The following HADHB variants were observed in gnomAD, a reference collection of about 807,000 sequenced individuals.
HADHB encodes the protein hydroxyacyl-CoA dehydrogenase trifunctional multienzyme complex subunit beta.
A neutral mutation model predicts 61.9 loss-of-function variants in HADHB; 50 were observed. The observed-to-expected ratio is 0.81, with a 90% CI of 0.64 to 1.02. The LOEUF is 1.02. Among genes scored for constraint, HADHB ranks in the 50% least tolerant of loss-of-function variants. HADHB has a pLI of 0.00. For missense variants in HADHB, 504 were observed against 586.5 expected (o/e 0.86, Z 1.45); for synonymous variants, 191 against 201.6 (o/e 0.95, Z 0.45).
intron 1 of HADHB, among the ~76,000 whole-genome samples, chr2:26,250,464 T>C (rs1391804342): frequency 6.6e-6 from 1 of 152,176 alleles, no homozygotes; most frequent in Non-Finnish European, 1.5e-5. Flanking sequence ...TGATCAGATC[T>C]ATTAGTTATT....
intron 14 of HADHB, 67 bp downstream of exon 14, chr2:26,285,024 T>G: frequency 1.2e-6 from 1 of 837,346 alleles, no homozygotes; most frequent in Non-Finnish European, 2.1e-6. Context: ...CTTAGTTACC[T>G]GTTCTTAAGA....
chr2:26,279,999 G>C lies in HADHB; in HGVS notation c.817G>C (p.Asp273His). 6.2e-7 allele frequency: 1 copy of C among 1,608,028 alleles called. No individual in the cohort carries two copies. Among genetic ancestry groups the C allele is most frequent in the Non-Finnish European group, 8.5e-7 (1 of 1,176,194 alleles). Reference sequence around the variant, plus strand: ...AAAATTCATTTTTTTAATAGGAAAAGATACAGTTACCAAAGATAATGGCAT... The same window carrying C: ...AAAATTCATTTTTTTAATAGGAAAACATACAGTTACCAAAGATAATGGCAT... ...DVVPFKVPGK[D>H]TVTKDNGIRP... The change falls in exon 10 of 16, where the codon GAT becomes CAT. Residue 273 changes from aspartate (D) to histidine (H), a missense_variant. Transcript: ENST00000317799.
chr2:26,263,387 G>A lies in HADHB; in HGVS notation c.117G>A (p.Gln39=). ...TTAAACTTTATCTTAAAGCTGTCCA[G>A]ACCAAAACGAAGAAGACGTTAGCCA... ...SSQLRAAPAV[Q]TKTKKTLAKP... The change falls in exon 4 of 16, where the codon CAG becomes CAA. Residue 39 remains glutamine, a synonymous_variant. Coordinates refer to ENST00000317799, the MANE Select transcript of HADHB (RefSeq NM_000183.3). 2 of 1,601,778 alleles carry A rather than the reference G, an allele frequency of 1.2e-6. No individual in the cohort carries two copies. The highest frequency in any genetic ancestry group is 1.7e-6 in the Non-Finnish European group (2 of 1,169,218).
chr2:26,261,214 C>CT (rs533429006), intron 3 of HADHB: 16 of 459,618 alleles, frequency 3.5e-5, no homozygotes, highest in Non-Finnish European at 5.3e-5. Context: ...CAACAAATAC[C>CT]CCCCCCCCAT....
intron 15 of HADHB, among the ~76,000 whole-genome samples, chr2:26,287,524 T>C (rs1253341325): frequency 6.6e-6 from 1 of 152,218 alleles, no homozygotes; most frequent in African/African-American, 2.4e-5. Context: ...TTATCTAGCA[T>C]GTAGAGTATA....
At chr2:26,284,013 GAA>G (rs1271252652) in intron 12 of HADHB, 102 bp from the exon 13 acceptor site, 1 of 715,598 alleles carries the variant, frequency 1.4e-6, no homozygotes, top group Admixed American at 2.1e-5. Flanking sequence ...AAGAATGAGT[GAA>G]AAGACATTAG....
intron 9 of HADHB, among the ~76,000 whole-genome samples, chr2:26,279,768 A>T (rs906134275): frequency 2.0e-5 from 3 of 152,142 alleles, no homozygotes; most frequent in African/African-American, 7.2e-5. Flanking sequence ...TGTCTTAAGA[A>T]AATAGGGTGT....
At chr2:26,254,632 G>A (rs1574642685) in intron 3 of HADHB, 158 bp downstream of exon 3, 1 of 619,692 alleles carries the variant, frequency 1.6e-6, no homozygotes, top group Admixed American at 2.7e-5. Context: ...AAAATTATAG[G>A]TCCAATCAAT....
intron 3 of HADHB, chr2:26,261,059 C>A: frequency 7.0e-7 from 1 of 1,420,590 alleles, no homozygotes. Flanking sequence ...ATGGATGGAT[C>A]ATTGGTGAGT....
At chr2:26,269,164 A>C (rs1299127916) in intron 4 of HADHB, among the ~76,000 whole-genome samples, 2 of 151,436 alleles carry the variant, frequency 1.3e-5, no homozygotes, top group Admixed American at 6.6e-5. Context: ...AAAAAAAAAA[A>C]ACAGCAGGGG....
At chr2:26,258,371 A>G (rs977693500) in intron 3 of HADHB, among the ~76,000 whole-genome samples, 1 of 152,184 alleles carries the variant, frequency 6.6e-6, no homozygotes, top group African/African-American at 2.4e-5. Context: ...TTATAGCTCT[A>G]TTAGAAGCCA....
chr2:26,257,388 G>A (rs1671670179), intron 3 of HADHB, among the ~76,000 whole-genome samples: 1 of 150,994 alleles, frequency 6.6e-6, no homozygotes, highest in Admixed American at 6.6e-5. Context: ...CCAAAGTGCT[G>A]GGATTACAGG....
intron 10 of HADHB, among the ~76,000 whole-genome samples, chr2:26,282,166 A>T (rs1449374801): frequency 6.7e-6 from 1 of 149,772 alleles, no homozygotes; most frequent in African/African-American, 2.5e-5. Flanking sequence ...AATAAGAGAT[A>T]TGTTTATTTT....
At chr2:26,286,973 G>T (rs1411895759) in intron 15 of HADHB, among the ~76,000 whole-genome samples, 5 of 151,660 alleles carry the variant, frequency 3.3e-5, no homozygotes, top group Admixed American at 3.3e-4. Context: ...GGAGGTTGAG[G>T]CGGGTAGGTC....
At chr2:26,281,517 A>T (rs1342349557) in intron 10 of HADHB, among the ~76,000 whole-genome samples, 1 of 152,208 alleles carries the variant, frequency 6.6e-6, no homozygotes, top group Non-Finnish European at 1.5e-5. Flanking sequence ...TGATAGAGCC[A>T]TGTGGCATGG....
intron 8 of HADHB, 61 bp downstream of exon 8, chr2:26,278,862 G>C: frequency 2.3e-6 from 3 of 1,326,426 alleles, no homozygotes; most frequent in Non-Finnish European, 3.3e-6. Context: ...ATGGCAGTGT[G>C]GACTCTGCTA....
intron 4 of HADHB, among the ~76,000 whole-genome samples, chr2:26,268,366 T>C (rs527339191): frequency 1.3e-5 from 2 of 152,330 alleles, no homozygotes; most frequent in East Asian, 3.9e-4. Context: ...AAGGTGGAAC[T>C]TAATTCTCCC....
At chr2:26,265,135 A>G (rs1480912159) in intron 4 of HADHB, among the ~76,000 whole-genome samples, 5 of 152,356 alleles carry the variant, frequency 3.3e-5, no homozygotes, top group African/African-American at 1.2e-4. Flanking sequence ...AAAAGTAAGA[A>G]TCAGAAGGCT....
chr2:26,286,617 C>T (rs562063641), intron 15 of HADHB, among the ~76,000 whole-genome samples: 3 of 152,126 alleles, frequency 2.0e-5, no homozygotes, highest in Non-Finnish European at 4.4e-5. Context: ...ATTCTCCTGT[C>T]TCAGCCTCCT....
Sources: allele counts gnomAD v4.1 joint callset (sites outside exome capture counted in the v4.1 genomes callset), GRCh38; gene constraint gnomAD v4.1.1; transcripts MANE v1.5; gene names NCBI Gene and HGNC (gene_info 2026-07-23, HGNC 2026-07-21).